SGCD: variants seen among roughly 807,000 people sequenced by gnomAD.
SGCD encodes delta-sarcoglycan.
A neutral mutation model predicts 36.6 loss-of-function variants in SGCD; 18 were observed. The observed-to-expected ratio is 0.49, with a 90% CI of 0.34 to 0.73. SGCD has a LOEUF of 0.73. Among genes scored for constraint, SGCD ranks in the 30% least tolerant of loss-of-function variants. The pLI, the probability that SGCD is intolerant of heterozygous loss-of-function variation, is 0.01. For synonymous variants in SGCD, 133 were observed against 130.6 expected (o/e 1.02, Z -0.12); for missense variants, 387 against 346.7 (o/e 1.12, Z -0.92).
intron 3 of SGCD, among the ~76,000 whole-genome samples, chr5:156,386,206 T>C (rs750412069): frequency 5.0e-4 from 76 of 152,196 alleles, no homozygotes; most frequent in Non-Finnish European, 9.7e-4. Flanking sequence ...CAGTGTGATC[T>C]GAGGACCCTA....
At chr5:156,668,617 A>G (rs765975172) in intron 7 of SGCD, among the ~76,000 whole-genome samples, 30 of 152,344 alleles carry the variant, frequency 2.0e-4, no homozygotes, top group Non-Finnish European at 3.2e-4. Context: ...TTCTCTATAC[A>G]TTATAGCTCT....
chr5:156,608,528 G>T (rs1007583858), intron 6 of SGCD, among the ~76,000 whole-genome samples: 1 of 152,214 alleles, frequency 6.6e-6, no homozygotes, highest in African/African-American at 2.4e-5. Flanking sequence ...CTGTTGATTT[G>T]GGGTGGAGAG....
chr5:156,649,170 C>T (rs972245073), intron 7 of SGCD, among the ~76,000 whole-genome samples: 4 of 152,180 alleles, frequency 2.6e-5, no homozygotes, highest in Non-Finnish European at 4.4e-5. Flanking sequence ...GATACCATCT[C>T]ACACCAGTTA....
rs1351211781 is a variant in SGCD, at chr5:156,761,639, ACTGT to A, written c.*2252_*2255del. On this transcript the variant is annotated 3_prime_UTR_variant, in exon 9 of 9. Coordinates refer to ENST00000337851, the MANE Select transcript of SGCD (RefSeq NM_000337.6). ...TAAGACAGGTGATTTTTTAAAGTAG[ACTGT>A]CTTTGCATTTTGCCATCTGAAGTTC... is the stretch of plus-strand genomic sequence containing the variant. The A allele has an allele frequency of 6.6e-6, 1 of 152,188 alleles. No homozygotes were observed. The highest frequency in any genetic ancestry group is 1.5e-5 in the Non-Finnish European group (1 of 68,038). 9.4% of individuals were successfully genotyped at this position (152,188 alleles called of 1,614,324 possible).
chr5:156,223,771 G>T lies in SGCD; in HGVS notation c.-44+99752G>T, dbSNP rs141751684. On this transcript the variant is annotated intron_variant, in intron 3 of 9. Coordinates refer to the SGCD transcript ENST00000517913. The stretch of plus-strand genomic sequence containing the variant: ...GGATAGAAGTGGCATTGCTGGCTTT[G>T]TGGCTGATGTGACAGCAAAAAAGCA... Among the ~76,000 whole-genome samples, 24 of 152,114 alleles carry T rather than the reference G, an allele frequency of 1.6e-4. No individual in the cohort carries two copies. In the East Asian group the frequency reaches 2.7e-3, roughly 17 times the overall value.
intron 3 of SGCD, among the ~76,000 whole-genome samples, chr5:156,262,380 C>G (rs1006522366): frequency 3.7e-4 from 57 of 152,106 alleles, no homozygotes; most frequent in African/African-American, 1.3e-3. Context: ...AATTTATAAC[C>G]CAGGAGCAGC....
rs56979795 is a variant in SGCD at position 156,622,435 on chromosome 5, AAATAATAATAAT to A, written c.503-24995_503-24984del. On this transcript the variant is annotated intron_variant, in intron 6 of 8. Transcript: ENST00000337851. ...GTGACAGGGCAAGACTCTGTCTAAAAAATAATAATAATAATAATAATAATAATAATAATAATA... is the reference window on the plus strand; with the variant it reads ...GTGACAGGGCAAGACTCTGTCTAAAAAATAATAATAATAATAATAATAATA... 4.4e-3 allele frequency among the ~76,000 whole-genome samples: 603 copies of A among 137,070 alleles called. 4 individuals are homozygous for A. The highest frequency in any genetic ancestry group is 0.012 in the East Asian group (59 of 4,768). 89.9% of individuals were successfully genotyped at this position (137,070 alleles called of 152,430 possible).
intron 3 of SGCD, among the ~76,000 whole-genome samples, chr5:156,486,142 C>T (rs1184390286): frequency 1.3e-5 from 2 of 152,034 alleles, no homozygotes; most frequent in Non-Finnish European, 2.9e-5. Flanking sequence ...AGAATCCCTG[C>T]ATCTCCACAT....
chr5:156,537,711 C>A (rs1430422826), intron 4 of SGCD, among the ~76,000 whole-genome samples: 1 of 151,978 alleles, frequency 6.6e-6, no homozygotes, highest in East Asian at 1.9e-4. Context: ...CCCTGTGATT[C>A]TCTGACTTTC....
At chr5:156,757,961 G>A (rs1468574207) in intron 8 of SGCD, 4 of 1,252,016 alleles carry the variant, frequency 3.2e-6, no homozygotes, top group Non-Finnish European at 4.0e-6. Context: ...CCATGAAAAT[G>A]AATGCTATTT....
intron 3 of SGCD, among the ~76,000 whole-genome samples, chr5:156,186,434 T>C (rs552784839): frequency 1.3e-4 from 20 of 152,294 alleles, no homozygotes; most frequent in African/African-American, 4.3e-4. Context: ...CTTTCTCTCA[T>C]ATCTTCTAAA....
At chr5:156,315,721 T>G (rs373589690) in intron 3 of SGCD, among the ~76,000 whole-genome samples, 1 of 151,954 alleles carries the variant, frequency 6.6e-6, no homozygotes, top group Admixed American at 6.6e-5. Flanking sequence ...CCAATGCATA[T>G]ATATATTTTT....
chr5:155,938,950 G>A (rs970001729), intron 1 of SGCD, among the ~76,000 whole-genome samples: 3 of 152,170 alleles, frequency 2.0e-5, no homozygotes, highest in Admixed American at 6.5e-5. Flanking sequence ...CTTGTCATCA[G>A]CATTACCATT....
intron 6 of SGCD, 60 bp downstream of exon 6, chr5:156,595,111 G>C: frequency 1.3e-6 from 2 of 1,538,932 alleles, no homozygotes; most frequent in Non-Finnish European, 1.8e-6. Context: ...TAGAGGAGAA[G>C]CAAAATGGTG....
chr5:156,621,019 A>G lies in SGCD; in HGVS notation c.502+25968A>G, dbSNP rs529860762. On this transcript the variant is annotated intron_variant, in intron 6 of 8. Transcript: ENST00000337851. ...AAAATGAAAGGAAGTAGCATCAACA[A>G]GAAGCTTCTTGACATTATTTAAGCT... Among the ~76,000 whole-genome samples the G allele has an allele frequency of 7.9e-5, 12 of 152,358 alleles. No homozygotes were observed. In the South Asian group the frequency reaches 2.5e-3, roughly 32 times the overall value.
chr5:156,538,940 A>G (rs191824100), intron 4 of SGCD, among the ~76,000 whole-genome samples: 2 of 151,782 alleles, frequency 1.3e-5, no homozygotes, highest in Non-Finnish European at 2.9e-5. Flanking sequence ...TAACAGTTTT[A>G]TATATTATAC....
the SGCD span, among the ~76,000 whole-genome samples, chr5:155,731,591 GTAAATGCACACATGCA>G: frequency 3.9e-5 from 6 of 152,200 alleles, no homozygotes; most frequent in African/African-American, 1.4e-4. Flanking sequence ...TAGATTCTTG[GTAAATGCACACATGCA>G]TAAATGCATT....
chr5:155,964,196 G>C (rs572875221), intron 1 of SGCD, among the ~76,000 whole-genome samples: 1 of 152,116 alleles, frequency 6.6e-6, no homozygotes, highest in Non-Finnish European at 1.5e-5. Flanking sequence ...CATGAAGGTA[G>C]GAAGAGAAAG....
At chr5:156,060,239 A>T (rs1395956602) in intron 1 of SGCD, among the ~76,000 whole-genome samples, 1 of 146,186 alleles carries the variant, frequency 6.8e-6, no homozygotes, top group African/African-American at 2.5e-5. Context: ...AAATGTGGAG[A>T]CCAAACTGAG....
Sources: allele counts gnomAD v4.1 joint callset (sites outside exome capture counted in the v4.1 genomes callset), GRCh38; gene constraint gnomAD v4.1.1; transcripts MANE v1.5; gene names NCBI Gene and HGNC (gene_info 2026-07-23, HGNC 2026-07-21).